Variants in GAS2L1 observed in about 807,000 individuals in gnomAD.
GAS2L1 encodes the protein growth arrest specific 2 like 1, also known as GAS2-like protein 1.
A neutral mutation model predicts 44.0 loss-of-function variants in GAS2L1; 26 were observed. That is an observed-to-expected ratio of 0.59 (90% CI 0.43 to 0.82). The LOEUF is 0.82. Among genes scored for constraint, GAS2L1 ranks in the 40% least tolerant of loss-of-function variants. The probability of loss-of-function intolerance (pLI) is 0.00; values close to 1 mark genes in which losing one functional copy is unlikely to be tolerated. For missense variants in GAS2L1, 1,006 were observed against 983.0 expected, an observed-to-expected ratio of 1.02 and a Z score of -0.31; for synonymous variants, 426 against 415.9, an observed-to-expected ratio of 1.02 and a Z score of -0.30.
chr22:29,312,097 G>T, exon 5 of GAS2L1: 1 of 1,612,856 alleles, frequency 6.2e-7, no homozygotes, highest in Non-Finnish European at 8.5e-7. Flanking sequence ...GACCCAGCTC[G>T]GGCCCCCGAC....
chr22:29,310,300 G>T, intron 1 of GAS2L1, 139 bp from the exon 3 acceptor site: 1 of 627,488 alleles, frequency 1.6e-6, no homozygotes, highest in South Asian at 2.0e-5. Flanking sequence ...ACGTGTGGAA[G>T]CTGTACCCCA....
At position 29,312,406 on chromosome 22, in the gene GAS2L1, GC is replaced by G. The variant is rs752503735; in HGVS notation, c.1960del (p.Arg654AlafsTer48). 7 of 1,565,448 alleles carry G rather than the reference GC, an allele frequency of 4.5e-6. No homozygotes were observed. Among genetic ancestry groups the G allele is most frequent in the South Asian group, 3.6e-5 (3 of 84,368 alleles). On this transcript the variant is annotated frameshift_variant, in exon 5 of 5. Coordinates refer to ENST00000618518, the Ensembl canonical transcript of GAS2L1. LOFTEE classifies it high-confidence loss of function. Reference sequence around the variant, plus strand: ...CCCTCACGTATCCCCACGCCTCGGGGCCCCCGCCGCCCCTCCGGACCCGCAG... The same window carrying G: ...CCCTCACGTATCCCCACGCCTCGGGGCCCCGCCGCCCCTCCGGACCCGCAG...
intron 4 of GAS2L1, 138 bp downstream of exon 5, chr22:29,311,136 T>G: frequency 1.2e-6 from 1 of 812,360 alleles, no homozygotes; most frequent in Non-Finnish European, 1.9e-6. Context: ...GGGCCTGGCT[T>G]CCCATCTCCA....
chr22:29,308,484 C>T (rs2061371766), exon 1 of GAS2L1: 1 of 1,608,840 alleles, frequency 6.2e-7, no homozygotes, highest in Non-Finnish European at 8.5e-7. Context: ...GACTGAGGAC[C>T]TGGTGCTGCG....
exon 5 of GAS2L1, chr22:29,312,391 T>G: frequency 6.3e-7 from 1 of 1,584,516 alleles, no homozygotes; most frequent in Non-Finnish European, 8.6e-7. Context: ...CCCTCACGTA[T>G]CCCCACGCCT....
chr22:29,310,467 G>T, exon 2 of GAS2L1: 1 of 1,610,284 alleles, frequency 6.2e-7, no homozygotes, highest in Non-Finnish European at 8.5e-7. Context: ...CGCTGCACCT[G>T]CCCTGACCAG....
rs1569142441 is a variant in GAS2L1 at position 29,311,884 on chromosome 22, GC to G, written c.1434del (p.Ser479AlafsTer60). 6.3e-7 allele frequency: 1 copy of G among 1,598,738 alleles called. No individual in the cohort carries two copies. Among genetic ancestry groups the G allele is most frequent in the African/African-American group, 1.3e-5 (1 of 74,894 alleles). ...AGCACCCCCCAGACTCCCCGTGCCCGCAGCCCTGCAGCACCCCGGCTTTCCC... is the reference window on the plus strand; with the variant it reads ...AGCACCCCCCAGACTCCCCGTGCCCGAGCCCTGCAGCACCCCGGCTTTCCC... On this transcript the variant is annotated frameshift_variant, in exon 5 of 5. Coordinates refer to ENST00000618518, the Ensembl canonical transcript of GAS2L1. LOFTEE classifies it high-confidence loss of function.
chr22:29,312,714 A>C, exon 5 of GAS2L1: 1 of 410,728 alleles, frequency 2.4e-6, no homozygotes, highest in East Asian at 3.5e-5. Context: ...GCCTTAGAGG[A>C]GGCCGGGCGA....
exon 5 of GAS2L1, chr22:29,312,528 C>T (rs1490086135): frequency 2.8e-6 from 4 of 1,446,674 alleles, no homozygotes; most frequent in Non-Finnish European, 3.7e-6. Flanking sequence ...CAGACCCCAT[C>T]CCTTCTCCTT....
At chr22:29,312,408 C>T in exon 5 of GAS2L1, 4 of 1,565,572 alleles carry the variant, frequency 2.6e-6, no homozygotes, top group Non-Finnish European at 3.5e-6. Flanking sequence ...GCCTCGGGGC[C>T]CCCGCCGCCC....
rs759384557 is a variant in GAS2L1 at position 29,311,883 on chromosome 22, C to T, written c.1432C>T (p.Arg478Cys). 1.4e-5 allele frequency: 22 copies of T among 1,598,828 alleles called. No individual in the cohort carries two copies. The South Asian group carries it at 2.0e-4, about 14-fold the overall frequency. ...GAGCACCCCCCAGACTCCCCGTGCC[C>T]GCAGCCCTGCAGCACCCCGGCTTTC... is the stretch of plus-strand genomic sequence containing the variant. Residue 478 changes from arginine (R) to cysteine (C), a missense_variant, in exon 5 of 5, where the codon CGC becomes TGC. Coordinates refer to ENST00000618518, the Ensembl canonical transcript of GAS2L1.
exon 5 of GAS2L1, chr22:29,311,578 C>G (rs1158412486): frequency 1.3e-6 from 2 of 1,541,856 alleles, no homozygotes; most frequent in Non-Finnish European, 1.7e-6. Flanking sequence ...GACACAGGCA[C>G]TGGCCCCCGG....
At chr22:29,311,523 T>C in exon 5 of GAS2L1, 1 of 1,539,192 alleles carries the variant, frequency 6.5e-7, no homozygotes, top group Non-Finnish European at 8.7e-7. Context: ...CAGTGACTCC[T>C]CAGCCTCCTC....
rs1602646343 is a variant in GAS2L1 at position 29,308,798 on chromosome 22, TC to T, written c.633+63del. 1.8e-5 allele frequency: 24 copies of T among 1,308,776 alleles called. No homozygotes were observed. The East Asian group carries it at 6.1e-4, about 33-fold the overall frequency. 81.1% of individuals were successfully genotyped at this position (1,308,776 alleles called of 1,614,324 possible). On this transcript the variant is annotated intron_variant, in intron 1 of 4. Transcript: ENST00000618518. ...CAGCACAGCCAGTGCCTGCAATCTGTCCCTGAACCTCCCAGGGTCCACCCTG... is the reference window on the plus strand; with the variant it reads ...CAGCACAGCCAGTGCCTGCAATCTGTCCTGAACCTCCCAGGGTCCACCCTG...
At chr22:29,311,050 A>T in intron 4 of GAS2L1, 52 bp downstream of exon 5, 1 of 1,520,762 alleles carries the variant, frequency 6.6e-7, no homozygotes, top group African/African-American at 1.4e-5. Context: ...GGGGGGCGTC[A>T]GCCCTGGCCT....
At chr22:29,308,101 C>T (rs372224648) in exon 1 of GAS2L1, 7 of 1,541,528 alleles carry the variant, frequency 4.5e-6, no homozygotes, top group East Asian at 2.3e-5. Context: ...TCGGCCGGTC[C>T]GGGCATGGCA....
chr22:29,307,060 A>C (rs1479807905), exon 1 of GAS2L1: 1 of 151,642 alleles, frequency 6.6e-6, no homozygotes, highest in Non-Finnish European at 1.5e-5. Flanking sequence ...CGGGACGCAT[A>C]GAGCTGCGGC....
intron 4 of GAS2L1, 161 bp downstream of exon 5, chr22:29,311,159 C>A: frequency 3.0e-6 from 2 of 666,854 alleles, no homozygotes; most frequent in Non-Finnish European, 5.0e-6. Flanking sequence ...GCAACCCAAC[C>A]AAACCAACAA....
exon 5 of GAS2L1, chr22:29,312,512 T>A: frequency 6.7e-7 from 1 of 1,488,010 alleles, no homozygotes; most frequent in Non-Finnish European, 9.0e-7. Flanking sequence ...CCAGCTCAGC[T>A]GTCCCCAGAC....
Sources: allele counts gnomAD v4.1 joint callset, GRCh38; gene constraint gnomAD v4.1.1; transcripts MANE v1.5; gene names NCBI Gene and HGNC (gene_info 2026-07-23, HGNC 2026-07-21).